Variants in SLC8B1 observed in about 807,000 individuals in gnomAD.
SLC8B1 encodes mitochondrial sodium/calcium exchanger protein.
A neutral mutation model predicts 63.4 loss-of-function variants in SLC8B1; 52 were observed. The observed-to-expected ratio is 0.82, with a 90% CI of 0.66 to 1.03. The LOEUF (loss-of-function observed/expected upper bound fraction) is 1.03, where lower values mean the gene tolerates loss of function less well. SLC8B1 is among the 50% of genes least tolerant of loss of function. The pLI, the probability that SLC8B1 is intolerant of heterozygous loss-of-function variation, is 0.00. For synonymous variants in SLC8B1, 336 were observed against 323.9 expected (o/e 1.04, Z -0.40); for missense variants, 657 against 741.7 (o/e 0.89, Z 1.33).
intron 2 of SLC8B1, among the ~76,000 whole-genome samples, chr12:113,330,193 G>A (rs751135970): frequency 1.3e-4 from 20 of 152,212 alleles, no homozygotes; most frequent in Non-Finnish European, 2.9e-4. Context: ...TCTGCTTCCT[G>A]CTATCCCCTC....
In SLC8B1 at chr12:113,311,455, A is replaced by G. The variant is rs569552878; in HGVS notation, c.1136-1100T>C. Among the ~76,000 whole-genome samples the G allele has an allele frequency of 2.6e-5, 4 of 152,104 alleles. No individual in the cohort carries two copies. In the South Asian group the frequency reaches 8.3e-4, roughly 32 times the overall value. On this transcript the variant is annotated intron_variant, in intron 11 of 15. Coordinates refer to ENST00000680972, the MANE Select transcript of SLC8B1 (RefSeq NM_001358345.2). The stretch of plus-strand genomic sequence containing the variant: ...ACAGAGCAAGACTCCATCTCAAAAA[A>G]AAAAACAAAAACAAATTAGCTGGGC...
chr12:113,322,407 C>T (rs1208277602), intron 2 of SLC8B1, among the ~76,000 whole-genome samples: 2 of 152,172 alleles, frequency 1.3e-5, no homozygotes, highest in African/African-American at 4.8e-5. Flanking sequence ...ATGGGTGATA[C>T]ATCACTGAGG....
chr12:113,306,315 A>C (rs3751263), intron 14 of SLC8B1, among the ~76,000 whole-genome samples, 180 bp downstream of exon 14: 34,705 of 151,676 alleles, frequency 0.23, 4,630 homozygotes, highest in African/African-American at 0.37. Flanking sequence ...TTACAACACC[A>C]CTTGGAGGTT....
chr12:113,316,644 C>T lies in SLC8B1; in HGVS notation c.875G>A (p.Arg292Gln), dbSNP rs760243661. The T allele has an allele frequency of 1.5e-5, 24 of 1,613,416 alleles. No homozygotes were observed. The highest frequency in any genetic ancestry group is 3.3e-5 in the South Asian group (3 of 91,044). Reference sequence around the variant, plus strand: ...GGTCTCCTGGTAGAAGAACAGCGGCCGGTACTCATCACCTGTGTGCAGGGG... The same window carrying T: ...GGTCTCCTGGTAGAAGAACAGCGGCTGGTACTCATCACCTGTGTGCAGGGG... ...TNSYDYGDEYRPLFFYQETTA... is the reference protein window; with the variant it reads ...TNSYDYGDEYQPLFFYQETTA... The change falls in exon 10 of 16, where the codon CGG (arginine) becomes CAG (glutamine). Residue 292 changes from arginine (R) to glutamine (Q), a missense_variant. Transcript: ENST00000680972.
chr12:113,311,809 T>C (rs914147373), intron 11 of SLC8B1, among the ~76,000 whole-genome samples: 2 of 145,722 alleles, frequency 1.4e-5, no homozygotes, highest in African/African-American at 5.0e-5. Flanking sequence ...GCTCAAGCCA[T>C]CCTCCCACCT....
At chr12:113,330,236 T>C (rs1957040380) in intron 2 of SLC8B1, among the ~76,000 whole-genome samples, 2 of 152,182 alleles carry the variant, frequency 1.3e-5, no homozygotes, top group Non-Finnish European at 2.9e-5. Context: ...ACATAGTAGG[T>C]GCTCAATAAC....
At chr12:113,319,344 G>C (rs1956887261) in intron 7 of SLC8B1, 3 of 367,088 alleles carry the variant, frequency 8.2e-6, no homozygotes, top group Non-Finnish European at 1.6e-5. Flanking sequence ...AAGGGTCGGT[G>C]TCCTGCTCTG....
chr12:113,327,915 T>C (rs1957014421), intron 2 of SLC8B1, among the ~76,000 whole-genome samples: 1 of 148,498 alleles, frequency 6.7e-6, no homozygotes, highest in African/African-American at 2.5e-5. Context: ...GAAGCAGAGG[T>C]TGCAGTGAGC....
chr12:113,307,965 A>G (rs1956699433), intron 12 of SLC8B1, 121 bp from the exon 13 acceptor site: 1 of 1,203,508 alleles, frequency 8.3e-7, no homozygotes, highest in African/African-American at 1.5e-5. Flanking sequence ...TATGAGTATA[A>G]AACACGTTAC....
intron 15 of SLC8B1, among the ~76,000 whole-genome samples, chr12:113,303,711 G>C (rs1444538977): frequency 6.6e-6 from 1 of 152,122 alleles, no homozygotes; most frequent in African/African-American, 2.4e-5. Context: ...CTGGCCACAT[G>C]CTACCTACCC....
chr12:113,317,053 G>C, intron 8 of SLC8B1, 52 bp from the exon 9 acceptor site: 2 of 1,528,564 alleles, frequency 1.3e-6, no homozygotes, highest in Non-Finnish European at 1.8e-6. Context: ...TTTCGAGGGG[G>C]CACACTGGGA....
chr12:113,329,932 C>G (rs1022989312), intron 2 of SLC8B1, among the ~76,000 whole-genome samples: 1 of 152,164 alleles, frequency 6.6e-6, no homozygotes, highest in Non-Finnish European at 1.5e-5. Flanking sequence ...CTCACTGTTC[C>G]AGCCACTTTG....
At position 113,299,782 on chromosome 12, in the gene SLC8B1, T is replaced by G; in HGVS notation, c.1750A>C (p.Met584Leu). ...TEFGVIHLKSM is the reference protein window; with the variant it reads ...TEFGVIHLKSL The stretch of plus-strand genomic sequence containing the variant: ...ACAGCACTAAGCGGCTTCAGTCACA[T>G]GCTTTTCAGGTGAATCACTCCAAAT... Residue 584 changes from methionine to leucine, a missense_variant, in exon 16 of 16, where the codon ATG becomes CTG. Physicochemically the swap from Met to Leu is conservative, Grantham distance 15 (BLOSUM62 2). Coordinates refer to ENST00000680972, the MANE Select transcript of SLC8B1 (RefSeq NM_001358345.2). The G allele has an allele frequency of 6.2e-7, 1 of 1,614,124 alleles. No homozygotes were observed. Among genetic ancestry groups the G allele is most frequent in the Non-Finnish European group, 8.5e-7 (1 of 1,180,014 alleles).
chr12:113,332,862 A>G lies in SLC8B1; in HGVS notation c.17T>C (p.Leu6Pro), dbSNP rs1159390343. The G allele has an allele frequency of 6.2e-7, 1 of 1,613,948 alleles. No individual in the cohort carries two copies. Among genetic ancestry groups the G allele is most frequent in the Non-Finnish European group, 8.5e-7 (1 of 1,180,010 alleles). MAGRR[L>P]NLRWALSVLC... ...CACACTCAGTGCCCAGCGCAGATTC[A>G]GCCTTCTGCCGGCCATCTGCCCCCA... Residue 6 changes from leucine to proline, a missense_variant, in exon 2 of 16, where the codon CTG becomes CCG. Physicochemically the swap from Leu to Pro is moderately conservative, Grantham distance 98 (BLOSUM62 -3). Coordinates refer to ENST00000680972, the MANE Select transcript of SLC8B1 (RefSeq NM_001358345.2).
rs111877668 is a variant in SLC8B1, at chr12:113,333,142, G to T, written c.-82-182C>A. Among the ~76,000 whole-genome samples the T allele has an allele frequency of 5.4e-3, 820 of 152,314 alleles. 11 individuals carry two copies. The highest frequency in any genetic ancestry group is 0.019 in the African/African-American group (777 of 41,558). On this transcript the variant is annotated intron_variant, in intron 1 of 15. Coordinates refer to ENST00000680972, the MANE Select transcript of SLC8B1 (RefSeq NM_001358345.2). ...GGGCCCAAGGCCCTGCCCATTCAGC[G>T]TGCAGATCAGATACGCCCTTCTTCC... is the stretch of plus-strand genomic sequence containing the variant.
In SLC8B1 at chr12:113,320,926, C is replaced by T. The variant is rs368652919; in HGVS notation, c.363-19G>A. 4.1e-5 allele frequency: 65 copies of T among 1,601,578 alleles called. No individual in the cohort carries two copies. Among genetic ancestry groups the T allele is most frequent in the African/African-American group, 2.9e-4 (22 of 74,850 alleles). On this transcript the variant is annotated intron_variant, in intron 4 of 15. Transcript: ENST00000680972. The surrounding 1 kb of genome is among the most constrained non-coding windows in gnomAD (Gnocchi z 5.3). Reference sequence around the variant, plus strand: ...GCAGAAACTACGGAGAAAAAGCGGACGGGAAGCATTTCCGTAGTAACCGGC... The same window carrying T: ...GCAGAAACTACGGAGAAAAAGCGGATGGGAAGCATTTCCGTAGTAACCGGC...
intron 15 of SLC8B1, among the ~76,000 whole-genome samples, chr12:113,301,142 C>G (rs116738941): frequency 6.6e-6 from 1 of 151,626 alleles, no homozygotes; most frequent in African/African-American, 2.4e-5. Flanking sequence ...TCTCAAAAAA[C>G]AAAAGAAGAA....
In SLC8B1 at chr12:113,299,884, A is replaced by G; in HGVS notation, c.1648T>C (p.Phe550Leu). The change falls in exon 16 of 16, where the codon TTC becomes CTC. Residue 550 changes from phenylalanine to leucine, a missense_variant. Coordinates refer to ENST00000680972, the MANE Select transcript of SLC8B1 (RefSeq NM_001358345.2). The stretch of plus-strand genomic sequence containing the variant: ...AAGCCATAGACTCTGCTGAGCTGGA[A>G]GCACTGCAATGGGACTGAGACCAGG... Reference protein sequence around the residue: ...FSLVSVPLQCFQLSRVYGFCL... With the variant: ...FSLVSVPLQCLQLSRVYGFCL... The G allele has an allele frequency of 6.2e-7, 1 of 1,614,268 alleles. No individual in the cohort carries two copies. The highest frequency in any genetic ancestry group is 1.1e-5 in the South Asian group (1 of 91,088).
intron 15 of SLC8B1, 25 bp from the exon 16 acceptor site, chr12:113,299,999 G>A (rs371191065): frequency 6.2e-7 from 1 of 1,603,760 alleles, no homozygotes; most frequent in Non-Finnish European, 8.5e-7. Context: ...GGGGAGAGAG[G>A]CTGAGTCACT....
Sources: allele counts gnomAD v4.1 joint callset (sites outside exome capture counted in the v4.1 genomes callset), GRCh38; gene constraint gnomAD v4.1.1; non-coding constraint Gnocchi (gnomAD v3.1); transcripts MANE v1.5; gene names NCBI Gene and HGNC (gene_info 2026-07-23, HGNC 2026-07-21).